Variants in TM9SF4 observed in about 807,000 individuals in gnomAD.
TM9SF4 encodes transmembrane 9 superfamily member 4.
A neutral mutation model predicts 90.4 loss-of-function variants in TM9SF4; 26 were observed. The ratio of observed to expected loss-of-function variants is 0.29; its 90% CI spans 0.21 to 0.40. TM9SF4 has a LOEUF of 0.40. TM9SF4 is among the 10% of genes least tolerant of loss of function. The pLI is 1.00. For synonymous variants in TM9SF4, 293 were observed against 315.4 expected, an observed-to-expected ratio of 0.93 and a Z score of 0.75; for missense variants, 549 against 834.8, an observed-to-expected ratio of 0.66 and a Z score of 4.22.
At chr20:32,142,475 C>G (rs1046393999) in intron 5 of TM9SF4, among the ~76,000 whole-genome samples, 6 of 152,220 alleles carry the variant, frequency 3.9e-5, no homozygotes, top group African/African-American at 1.4e-4. Flanking sequence ...CAAAGGGCGT[C>G]TGTCCTAACT....
intron 1 of TM9SF4, among the ~76,000 whole-genome samples, chr20:32,121,884 AC>A (rs1379292075): frequency 4.9e-5 from 6 of 121,662 alleles, no homozygotes; most frequent in African/African-American, 1.9e-4. Context: ...CGGGGGGCTG[AC>A]CCCCCCACCT....
intron 1 of TM9SF4, among the ~76,000 whole-genome samples, chr20:32,123,866 A>ATATATTTTTT: frequency 1.9e-4 from 18 of 93,964 alleles, no homozygotes; most frequent in African/African-American, 7.7e-4. Flanking sequence ...ATATATATAT[A>ATATATTTTTT]TTTTTTTTTT....
At chr20:32,145,065 A>G in intron 6 of TM9SF4, 26 bp from the exon 7 acceptor site, 1 of 1,611,232 alleles carries the variant, frequency 6.2e-7, no homozygotes, top group Non-Finnish European at 8.5e-7. Flanking sequence ...CACCACAGGA[A>G]CAGACTGAGT....
chr20:32,165,574 A>AT lies in TM9SF4; in HGVS notation c.*131dup. 8.8e-7 allele frequency: 1 copy of AT among 1,142,364 alleles called. No homozygotes were observed. The highest frequency in any genetic ancestry group is 2.3e-5 in the Admixed American group (1 of 42,660). The allele number at this position is 1,142,364 out of a possible 1,614,324, so 70.8% of individuals were successfully genotyped here. ...GTAACTCCTGGCACAGTGTTCCTGG[A>AT]TCCTGGGGCTGCGTGGGGGGCGGGA... is the stretch of plus-strand genomic sequence containing the variant. On this transcript the variant is annotated 3_prime_UTR_variant, in exon 18 of 18. Transcript: ENST00000398022.
At chr20:32,161,106 A>G (rs528979830) in intron 16 of TM9SF4, 170 bp from the exon 17 acceptor site, 410 of 582,518 alleles carry the variant, frequency 7.0e-4, no homozygotes, top group Middle Eastern at 9.3e-4. Context: ...TGTGGTTTTT[A>G]GAAATGCATA....
At chr20:32,144,752 A>G (rs2046735667) in intron 6 of TM9SF4, among the ~76,000 whole-genome samples, 2 of 152,098 alleles carry the variant, frequency 1.3e-5, no homozygotes, top group Non-Finnish European at 2.9e-5. Flanking sequence ...CCTACAAAAA[A>G]ATGTCTTAAA....
chr20:32,158,593 A>G (rs572374007), intron 15 of TM9SF4, 79 bp downstream of exon 15: 4 of 1,474,134 alleles, frequency 2.7e-6, no homozygotes, highest in African/African-American at 1.4e-5. Context: ...TCTGCTGCCT[A>G]CTGCCTGAGA....
Position 32,163,069 on chromosome 20 carries a change from A to G in TM9SF4, c.1779+1704A>G, listed in dbSNP as rs541570521. Among the ~76,000 whole-genome samples, 39 of 151,712 alleles carry G rather than the reference A, an allele frequency of 2.6e-4. No individual in the cohort carries two copies. The East Asian group carries it at 7.4e-3, about 29-fold the overall frequency. ...GAGTCCATCCTGGCCAACATGGTGAAACCCTGTCTCTACTGAGATACAAAA... is the reference window on the plus strand; with the variant it reads ...GAGTCCATCCTGGCCAACATGGTGAGACCCTGTCTCTACTGAGATACAAAA... On this transcript the variant is annotated intron_variant, in intron 17 of 17. Transcript: ENST00000398022.
intron 17 of TM9SF4, 152 bp downstream of exon 17, chr20:32,161,517 G>T (rs564937451): frequency 2.7e-5 from 17 of 638,970 alleles, no homozygotes; most frequent in African/African-American, 2.2e-4. Context: ...TGCTCTAGAA[G>T]ATGGATCTTT....
chr20:32,131,828 T>C (rs1470984857), intron 1 of TM9SF4, among the ~76,000 whole-genome samples: 1 of 152,192 alleles, frequency 6.6e-6, no homozygotes, highest in Non-Finnish European at 1.5e-5. Flanking sequence ...TTGCCTTTGA[T>C]TCCCAGGTGC....
chr20:32,115,732 GT>G (rs766818914), intron 1 of TM9SF4, among the ~76,000 whole-genome samples: 21 of 148,270 alleles, frequency 1.4e-4, no homozygotes, highest in Non-Finnish European at 2.5e-4. Context: ...TGGGAAAACC[GT>G]TTGCGCTTTT....
At chr20:32,125,101 C>G (rs2046400107) in intron 1 of TM9SF4, among the ~76,000 whole-genome samples, 1 of 152,156 alleles carries the variant, frequency 6.6e-6, no homozygotes, top group South Asian at 2.1e-4. Context: ...CCCATGGTCA[C>G]TCAGCTCACG....
chr20:32,158,817 C>G (rs2046970399), intron 15 of TM9SF4, among the ~76,000 whole-genome samples: 1 of 152,016 alleles, frequency 6.6e-6, no homozygotes, highest in South Asian at 2.1e-4. Flanking sequence ...CCTGTCTCTA[C>G]TAGAAAATAC....
At chr20:32,143,848 G>A (rs754111502) in intron 6 of TM9SF4, among the ~76,000 whole-genome samples, 13 of 152,010 alleles carry the variant, frequency 8.6e-5, no homozygotes, top group South Asian at 2.1e-4. Context: ...CTTCCCGAGC[G>A]CAGTTCTACG....
At chr20:32,134,577 A>G (rs1315106408) in intron 2 of TM9SF4, among the ~76,000 whole-genome samples, 1 of 152,200 alleles carries the variant, frequency 6.6e-6, no homozygotes, top group Non-Finnish European at 1.5e-5. Context: ...ATTTCTCTGC[A>G]CAAATAGTTA....
At chr20:32,158,586 G>C in intron 15 of TM9SF4, 72 bp downstream of exon 15, 5 of 1,499,304 alleles carry the variant, frequency 3.3e-6, no homozygotes, top group Non-Finnish European at 4.6e-6. Context: ...CGGGTGCTCT[G>C]CTGCCTACTG....
intron 1 of TM9SF4, among the ~76,000 whole-genome samples, chr20:32,118,867 G>A (rs1011381060): frequency 1.3e-5 from 2 of 151,910 alleles, no homozygotes; most frequent in Admixed American, 6.6e-5. Context: ...GGGCTCAAGC[G>A]ATCCACCTGC....
At chr20:32,152,470 A>G (rs1267478062) in intron 12 of TM9SF4, among the ~76,000 whole-genome samples, 2 of 151,634 alleles carry the variant, frequency 1.3e-5, no homozygotes, top group Non-Finnish European at 2.9e-5. Flanking sequence ...ATCAAGTGCT[A>G]AGGATCTTCC....
At chr20:32,136,221 C>A in intron 3 of TM9SF4, 48 bp downstream of exon 3, 1 of 1,556,988 alleles carries the variant, frequency 6.4e-7, no homozygotes, top group South Asian at 1.1e-5. Flanking sequence ...AGGGGGAACC[C>A]AGCATGATTT....
Sources: allele counts gnomAD v4.1 joint callset (sites outside exome capture counted in the v4.1 genomes callset), GRCh38; gene constraint gnomAD v4.1.1; transcripts MANE v1.5; gene names NCBI Gene and HGNC (gene_info 2026-07-23, HGNC 2026-07-21).